The following SEMA6D variants were observed in gnomAD, a reference collection of about 807,000 sequenced individuals.
SEMA6D encodes the protein semaphorin 6D.
SEMA6D carries 35 observed loss-of-function variants against 106.6 expected under a neutral mutation model. The observed-to-expected ratio is 0.33, with a 90% confidence interval of 0.25 to 0.44. The LOEUF (loss-of-function observed/expected upper bound fraction) is 0.44. Among genes scored for constraint, SEMA6D ranks in the 20% least tolerant of loss-of-function variants. SEMA6D has a pLI of 1.00. For synonymous variants in SEMA6D, 499 were observed against 487.7 expected (o/e 1.02, Z -0.31); for missense variants, 1,185 against 1,345.9 (o/e 0.88, Z 1.87).
At position 47,504,873 on chromosome 15, in the gene SEMA6D, G is replaced by A. The variant is rs141549988; in HGVS notation, c.-87+34328G>A. On this transcript the variant is annotated intron_variant, in intron 3 of 19. Transcript: ENST00000558014. The stretch of plus-strand genomic sequence containing the variant: ...AGTGTCTGCGGGAATCATCTCCATA[G>A]TGTTTCTCTTTGTGGAGGAGAGTGG... Among the ~76,000 whole-genome samples the A allele has an allele frequency of 5.6e-3, 846 of 152,278 alleles. 6 individuals are homozygous for A. Among genetic ancestry groups the A allele is most frequent in the Admixed American group, 0.015 (227 of 15,288 alleles).
At chr15:47,283,792 C>A (rs2035239175) in intron 1 of SEMA6D, among the ~76,000 whole-genome samples, 1 of 152,196 alleles carries the variant, frequency 6.6e-6, no homozygotes, top group South Asian at 2.1e-4. Flanking sequence ...AGCCCACCTA[C>A]TCACCCTTGC....
intron 4 of SEMA6D, among the ~76,000 whole-genome samples, chr15:47,655,142 T>C (rs1334870018): frequency 6.6e-6 from 1 of 152,238 alleles, no homozygotes; most frequent in Non-Finnish European, 1.5e-5. Flanking sequence ...TCTTGATCTC[T>C]TACTGAAGAA....
At chr15:47,703,337 AT>A (rs2078850814) in intron 4 of SEMA6D, among the ~76,000 whole-genome samples, 1 of 152,182 alleles carries the variant, frequency 6.6e-6, no homozygotes, top group African/African-American at 2.4e-5. Flanking sequence ...CAATAAAAAC[AT>A]TTTCATGCTT....
chr15:47,212,496 T>A (rs2030133964), intron 1 of SEMA6D, among the ~76,000 whole-genome samples: 1 of 152,222 alleles, frequency 6.6e-6, no homozygotes, highest in African/African-American at 2.4e-5. Flanking sequence ...AAGAATTCAA[T>A]AAATGATTGC....
At chr15:47,676,879 C>T (rs528007477) in intron 4 of SEMA6D, among the ~76,000 whole-genome samples, 17 of 152,238 alleles carry the variant, frequency 1.1e-4, no homozygotes, top group Non-Finnish European at 2.5e-4. Flanking sequence ...GCAGCAGTCT[C>T]CAACCTTTTT....
intron 4 of SEMA6D, among the ~76,000 whole-genome samples, chr15:47,686,664 A>G (rs961377060): frequency 6.6e-6 from 1 of 152,196 alleles, no homozygotes; most frequent in African/African-American, 2.4e-5. Context: ...CACTCCAATC[A>G]TGCATATTTC....
chr15:47,741,012 G>T (rs2080778186), intron 1 of SEMA6D, among the ~76,000 whole-genome samples: 1 of 152,182 alleles, frequency 6.6e-6, no homozygotes, highest in Non-Finnish European at 1.5e-5. Flanking sequence ...ACAGTTACCT[G>T]CTAGACTATT....
chr15:47,703,152 A>G (rs1473118150), intron 4 of SEMA6D, among the ~76,000 whole-genome samples: 2 of 152,182 alleles, frequency 1.3e-5, no homozygotes, highest in Non-Finnish European at 2.9e-5. Flanking sequence ...CACTGAAATA[A>G]CCCTCCAAAA....
At chr15:47,465,066 TCA>T (rs2042618610) in intron 2 of SEMA6D, among the ~76,000 whole-genome samples, 1 of 152,140 alleles carries the variant, frequency 6.6e-6, no homozygotes, top group Non-Finnish European at 1.5e-5. Context: ...CCCTCACCAC[TCA>T]CAGATACACA....
chr15:47,234,265 A>G (rs1260723452), intron 1 of SEMA6D, among the ~76,000 whole-genome samples: 1 of 152,022 alleles, frequency 6.6e-6, no homozygotes, highest in Non-Finnish European at 1.5e-5. Flanking sequence ...TGAAACCAGG[A>G]TGTAAAGTCT....
At chr15:47,675,725 G>A (rs56209847) in intron 4 of SEMA6D, among the ~76,000 whole-genome samples, 7,345 of 152,234 alleles carry the variant, frequency 0.048, 582 homozygotes, top group African/African-American at 0.16. Context: ...ATGATCATCA[G>A]AGCTCAACTT....
intron 1 of SEMA6D, among the ~76,000 whole-genome samples, chr15:47,370,741 T>C (rs946389686): frequency 2.1e-5 from 3 of 145,682 alleles, no homozygotes; most frequent in South Asian, 2.2e-4. Flanking sequence ...GCGCCAGTAG[T>C]CCCAGCTACT....
intron 4 of SEMA6D, among the ~76,000 whole-genome samples, chr15:47,617,200 C>T (rs1398085173): frequency 1.3e-5 from 2 of 151,536 alleles, no homozygotes; most frequent in African/African-American, 4.8e-5. Flanking sequence ...TCCAAGGTTA[C>T]CTACCTTCTC....
chr15:47,596,450 T>C (rs2076537556), intron 3 of SEMA6D, among the ~76,000 whole-genome samples: 1 of 152,058 alleles, frequency 6.6e-6, no homozygotes, highest in South Asian at 2.1e-4. Context: ...TTATATAGTA[T>C]TGCAAAAGAC....
rs2147971477 is a variant in SEMA6D, at chr15:47,770,783, C to T, written c.2220C>T (p.Asn740=). Residue 740 remains asparagine (N), a synonymous_variant, in exon 19 of 19, where the codon AAC becomes AAT. Transcript: ENST00000536845. ...TTGATTCTCCTAAACTGTATAGTAACCTGCTAACCAGTCGGAAAGAGCTAC... is the reference window on the plus strand; with the variant it reads ...TTGATTCTCCTAAACTGTATAGTAATCTGCTAACCAGTCGGAAAGAGCTAC... The part of the protein sequence containing the change: ...QNIDSPKLYS[N]LLTSRKELPP... The T allele has an allele frequency of 1.2e-6, 2 of 1,614,064 alleles. No homozygotes were observed. The highest frequency in any genetic ancestry group is 1.7e-6 in the Non-Finnish European group (2 of 1,179,988).
intron 1 of SEMA6D, among the ~76,000 whole-genome samples, chr15:47,322,005 A>G: frequency 6.6e-6 from 1 of 152,188 alleles, no homozygotes; most frequent in Non-Finnish European, 1.5e-5. Context: ...GGGTAAGTCT[A>G]TGCTTAGATA....
At chr15:47,406,973 C>A (rs1168999175) in intron 1 of SEMA6D, among the ~76,000 whole-genome samples, 5 of 152,034 alleles carry the variant, frequency 3.3e-5, no homozygotes, top group African/African-American at 1.2e-4. Context: ...ACAACAACAA[C>A]AACAAAAACA....
At chr15:47,752,905 AG>A (rs1380759001) in intron 1 of SEMA6D, among the ~76,000 whole-genome samples, 2 of 151,680 alleles carry the variant, frequency 1.3e-5, no homozygotes, top group Non-Finnish European at 2.9e-5. Context: ...GCTACTTTGG[AG>A]GCTGAGGCAG....
intron 18 of SEMA6D, among the ~76,000 whole-genome samples, 183 bp from the exon 19 acceptor site, chr15:47,770,314 A>G (rs774704907): frequency 1.2e-4 from 18 of 152,188 alleles, no homozygotes; most frequent in Non-Finnish European, 2.5e-4. Context: ...GCAATCCTGT[A>G]TGTCTCTGGG....
Sources: gnomAD v4.1 joint callset for allele counts (sites outside exome capture counted in the v4.1 genomes callset) on GRCh38, gnomAD v4.1.1 for gene constraint, MANE v1.5 for transcripts, NCBI Gene and HGNC (gene_info 2026-07-23, HGNC 2026-07-21) for gene names.